Variants in IL1RL2 observed in about 807,000 individuals in gnomAD.
IL1RL2 encodes interleukin-1 receptor-like 2.
IL1RL2 carries 68 observed loss-of-function variants against 66.8 expected under a neutral mutation model. The observed-to-expected ratio is 1.02, with a 90% CI of 0.84 to 1.25. IL1RL2 has a LOEUF of 1.25. Ranked by LOEUF, IL1RL2 falls within the 50% of genes most tolerant of loss-of-function variation. IL1RL2 has a pLI of 0.00. For missense variants in IL1RL2, 729 were observed against 709.3 expected (o/e 1.03, Z -0.32); for synonymous variants, 305 against 264.6 (o/e 1.15, Z -1.48).
At position 102,212,735 on chromosome 2, in the gene IL1RL2, G is replaced by A. The variant is rs551875780; in HGVS notation, c.724+561G>A. ...TGTAATCCCAGCACTTTAGGAGGCT[G>A]AGGCAGGCAGATCATGAGGTCAGGA... On this transcript the variant is annotated intron_variant, in intron 6 of 11. Coordinates refer to ENST00000264257, the MANE Select transcript of IL1RL2 (RefSeq NM_003854.4). 3.3e-3 allele frequency among the ~76,000 whole-genome samples: 498 copies of A among 152,214 alleles called. 2 individuals carry two copies. The highest frequency in any genetic ancestry group is 0.012 in the African/African-American group (478 of 41,514).
chr2:102,189,434 T>C (rs1403841273), intron 3 of IL1RL2, 124 bp downstream of exon 3: 1 of 645,538 alleles, frequency 1.5e-6, no homozygotes, highest in Admixed American at 3.0e-5. Flanking sequence ...TTATAATTGC[T>C]ACAAGACAAT....
intron 4 of IL1RL2, among the ~76,000 whole-genome samples, chr2:102,200,024 G>T (rs1688110681): frequency 1.3e-5 from 2 of 150,852 alleles, no homozygotes. Flanking sequence ...GGGTGTGGTG[G>T]CACGTACCTG....
At chr2:102,205,168 C>A (rs1249660200) in intron 5 of IL1RL2, among the ~76,000 whole-genome samples, 2 of 152,050 alleles carry the variant, frequency 1.3e-5, no homozygotes, top group Non-Finnish European at 2.9e-5. Flanking sequence ...CTTTATTCCC[C>A]TGCTTTTTAA....
chr2:102,202,198 C>G (rs1327747246), intron 5 of IL1RL2, among the ~76,000 whole-genome samples: 1 of 152,100 alleles, frequency 6.6e-6, no homozygotes, highest in African/African-American at 2.4e-5. Flanking sequence ...CAGCCCAGAG[C>G]AGCCAGCTCT....
At chr2:102,232,933 A>G (rs766616736) in intron 9 of IL1RL2, 30 bp from the exon 10 acceptor site, 1 of 1,587,236 alleles carries the variant, frequency 6.3e-7, no homozygotes, top group South Asian at 1.1e-5. Flanking sequence ...GGTAGCAACA[A>G]TTCCACAAGC....
At chr2:102,235,906 C>T (rs1674835444) in intron 11 of IL1RL2, 8 of 985,284 alleles carry the variant, frequency 8.1e-6, no homozygotes, top group African/African-American at 3.5e-5. Context: ...CCATGACTGC[C>T]TCTTGGTCAC....
chr2:102,189,402 A>C, intron 3 of IL1RL2, 92 bp downstream of exon 3: 1 of 743,476 alleles, frequency 1.3e-6, no homozygotes, highest in Admixed American at 2.9e-5. Flanking sequence ...ACTCTTGAGA[A>C]GAATTATGTT....
chr2:102,241,367 G>A (rs1316512930), downstream of IL1RL2, among the ~76,000 whole-genome samples: 1 of 152,144 alleles, frequency 6.6e-6, no homozygotes, highest in Admixed American at 6.5e-5. Flanking sequence ...CGGGCCCCTG[G>A]ACTCCAGTCA....
At chr2:102,226,908 C>T (rs774355307) in intron 9 of IL1RL2, among the ~76,000 whole-genome samples, 10 of 152,174 alleles carry the variant, frequency 6.6e-5, no homozygotes, top group African/African-American at 1.9e-4. Context: ...GGCCACAGGG[C>T]GGCCTCTATT....
chr2:102,191,678 C>T (rs535776080), intron 3 of IL1RL2, among the ~76,000 whole-genome samples: 15 of 152,284 alleles, frequency 9.9e-5, no homozygotes, highest in Admixed American at 5.9e-4. Context: ...AGGCACATGG[C>T]GTCCACTTGC....
intron 10 of IL1RL2, among the ~76,000 whole-genome samples, 160 bp from the exon 11 acceptor site, chr2:102,234,737 A>C (rs1008873409): frequency 4.6e-5 from 7 of 152,224 alleles, no homozygotes; most frequent in Non-Finnish European, 7.4e-5. Flanking sequence ...CAGTGAGCTG[A>C]GATTGCATCC....
chr2:102,217,124 T>C (rs1290671508), intron 6 of IL1RL2, among the ~76,000 whole-genome samples: 1 of 152,210 alleles, frequency 6.6e-6, no homozygotes, highest in Non-Finnish European at 1.5e-5. Context: ...AGCATTTCCT[T>C]AGGGATTTCT....
chr2:102,213,977 G>GT (rs1345950408), intron 6 of IL1RL2, among the ~76,000 whole-genome samples: 1 of 152,028 alleles, frequency 6.6e-6, no homozygotes, highest in Non-Finnish European at 1.5e-5. Context: ...ACAACAAATG[G>GT]TAAGAGATAA....
At chr2:102,210,162 T>C (rs1689041226) in intron 5 of IL1RL2, among the ~76,000 whole-genome samples, 1 of 151,998 alleles carries the variant, frequency 6.6e-6, no homozygotes, top group Non-Finnish European at 1.5e-5. Flanking sequence ...ATGTGGATGA[T>C]GGAGTTGGGG....
intron 5 of IL1RL2, among the ~76,000 whole-genome samples, chr2:102,210,770 C>A (rs946109538): frequency 6.6e-6 from 1 of 152,108 alleles, no homozygotes; most frequent in Non-Finnish European, 1.5e-5. Context: ...GTCATTGCTA[C>A]GTTGAGTATG....
chr2:102,219,443 A>G (rs1256536067), intron 7 of IL1RL2, among the ~76,000 whole-genome samples: 1 of 152,230 alleles, frequency 6.6e-6, no homozygotes, highest in East Asian at 1.9e-4. Context: ...GCTATACTAA[A>G]CAAGCGCCAA....
Position 102,201,662 on chromosome 2 carries a change from T to C in IL1RL2, c.596T>C (p.Leu199Pro), listed in dbSNP as rs777843950. 1.9e-6 allele frequency: 3 copies of C among 1,614,024 alleles called. No individual in the cohort carries two copies. Among genetic ancestry groups the C allele is most frequent in the Non-Finnish European group, 1.7e-6 (2 of 1,180,012 alleles). The change falls in exon 5 of 12, where the codon CTG becomes CCG. Residue 199 changes from leucine to proline, a missense_variant. Physicochemically the swap from Leu to Pro is moderately conservative, Grantham distance 98. Transcript: ENST00000264257. Reference sequence around the variant, plus strand: ...GGGAACTACGCGTGTCAAGCCATACTGACACACTCAGGGAAGCAGTACGAG... The same window carrying C: ...GGGAACTACGCGTGTCAAGCCATACCGACACACTCAGGGAAGCAGTACGAG... ...DRGNYACQAILTHSGKQYEVL... is the reference protein window; with the variant it reads ...DRGNYACQAIPTHSGKQYEVL...
chr2:102,236,374 G>A (rs1381410192), intron 11 of IL1RL2, among the ~76,000 whole-genome samples: 1 of 152,124 alleles, frequency 6.6e-6, no homozygotes, highest in Non-Finnish European at 1.5e-5. Context: ...GGGTGGGTTA[G>A]GAGGTGCTGT....
At chr2:102,200,242 T>C (rs1267002245) in intron 4 of IL1RL2, among the ~76,000 whole-genome samples, 1 of 152,142 alleles carries the variant, frequency 6.6e-6, no homozygotes, top group Non-Finnish European at 1.5e-5. Context: ...TGACAAGCAG[T>C]TGTCAGATTA....
Sources: gnomAD v4.1 joint callset for allele counts (sites outside exome capture counted in the v4.1 genomes callset) on GRCh38, gnomAD v4.1.1 for gene constraint, MANE v1.5 for transcripts, NCBI Gene and HGNC (gene_info 2026-07-23, HGNC 2026-07-21) for gene names.